CNBD1: variants seen among roughly 807,000 people sequenced by gnomAD.
CNBD1 encodes the protein cyclic nucleotide-binding domain-containing protein 1.
In CNBD1, 71 loss-of-function variants were observed where a neutral mutation model predicts 54.4. The ratio of observed to expected loss-of-function variants is 1.30; its 90% confidence interval spans 1.08 to 1.59. The LOEUF is 1.59. Ranked by LOEUF, CNBD1 falls within the 40% of genes most tolerant of loss-of-function variation. CNBD1 has a pLI of 0.00. For synonymous variants in CNBD1, 182 were observed against 170.7 expected, an observed-to-expected ratio of 1.07 and a Z score of -0.51; for missense variants, 659 against 518.0, an observed-to-expected ratio of 1.27 and a Z score of -2.64.
chr8:87,113,726 T>C (rs1013636103), intron 4 of CNBD1, among the ~76,000 whole-genome samples: 2 of 152,124 alleles, frequency 1.3e-5, no homozygotes, highest in African/African-American at 4.8e-5. Context: ...TAGACCATCC[T>C]GGCTAACACG....
chr8:87,016,802 C>T (rs1335274063), intron 4 of CNBD1, among the ~76,000 whole-genome samples: 1 of 152,116 alleles, frequency 6.6e-6, no homozygotes. Flanking sequence ...CAGATAATGC[C>T]CATTATAAGG....
At chr8:86,965,516 A>G (rs1808049431) in intron 4 of CNBD1, among the ~76,000 whole-genome samples, 1 of 152,122 alleles carries the variant, frequency 6.6e-6, no homozygotes, top group Non-Finnish European at 1.5e-5. Context: ...CATGCTAGTC[A>G]TTTTTAACTG....
intron 6 of CNBD1, among the ~76,000 whole-genome samples, chr8:87,274,005 G>A (rs1340925617): frequency 3.4e-5 from 5 of 146,874 alleles, no homozygotes; most frequent in Non-Finnish European, 5.9e-5. Context: ...CCACCTATGA[G>A]TGAGAATATG....
chr8:87,230,085 G>T (rs1046110592), intron 5 of CNBD1, among the ~76,000 whole-genome samples: 2 of 152,192 alleles, frequency 1.3e-5, no homozygotes, highest in African/African-American at 4.8e-5. Context: ...CAAAATGGGA[G>T]CCAAGACTTT....
chr8:87,079,693 G>A (rs1454224854), intron 4 of CNBD1, among the ~76,000 whole-genome samples: 1 of 151,690 alleles, frequency 6.6e-6, no homozygotes, highest in African/African-American at 2.4e-5. Context: ...TTTTTTTATT[G>A]AGTTAGAAGG....
chr8:87,336,645 T>A (rs1432017105), intron 8 of CNBD1, among the ~76,000 whole-genome samples: 2 of 152,172 alleles, frequency 1.3e-5, no homozygotes, highest in Non-Finnish European at 2.9e-5. Context: ...TAGAACATGC[T>A]CCTTTACCTC....
intron 10 of CNBD1, among the ~76,000 whole-genome samples, chr8:87,359,314 G>A (rs1046237768): frequency 1.3e-5 from 2 of 150,848 alleles, no homozygotes; most frequent in African/African-American, 4.9e-5. Flanking sequence ...TCATTCCATA[G>A]TCTGTTCATT....
chr8:87,015,188 A>AG (rs1373379237), intron 4 of CNBD1, among the ~76,000 whole-genome samples: 2 of 152,062 alleles, frequency 1.3e-5, no homozygotes, highest in African/African-American at 2.4e-5. Context: ...TTTGTGGGGG[A>AG]GGGGGCGAAC....
At position 86,960,373 on chromosome 8, in the gene CNBD1, G is replaced by T. The variant is rs577444158; in HGVS notation, c.431+20619G>T. ...GCTCAGAGGGTCCCACACCCACAGA[G>T]CCTCACTCACTGCTAGCACAGCAGT... On this transcript the variant is annotated intron_variant, in intron 4 of 10. Coordinates refer to ENST00000518476, the MANE Select transcript of CNBD1 (RefSeq NM_173538.3). 8.2e-4 allele frequency among the ~76,000 whole-genome samples: 125 copies of T among 152,308 alleles called. 1 individual carries two copies. Among genetic ancestry groups the T allele is most frequent in the Admixed American group, 1.4e-3 (21 of 15,306 alleles).
chr8:87,237,204 T>G (rs1807602344), intron 6 of CNBD1, 92 bp downstream of exon 6: 1 of 648,116 alleles, frequency 1.5e-6, no homozygotes, highest in Non-Finnish European at 2.6e-6. Context: ...TCCAATATCT[T>G]TAGAGTCCTG....
chr8:87,035,577 C>T (rs1809914617), intron 4 of CNBD1, among the ~76,000 whole-genome samples: 1 of 152,144 alleles, frequency 6.6e-6, no homozygotes, highest in Non-Finnish European at 1.5e-5. Context: ...TTCACAAGGG[C>T]AATTTCTCAG....
intron 2 of CNBD1, among the ~76,000 whole-genome samples, chr8:87,391,647 C>A (rs1189267652): frequency 6.6e-6 from 1 of 152,008 alleles, no homozygotes; most frequent in East Asian, 1.9e-4. Context: ...TAATAGAAGA[C>A]TGAAGTTGGA....
At position 86,878,653 on chromosome 8, in the gene CNBD1, T is replaced by G. The variant is rs543071552; in HGVS notation, c.89-8889T>G. Among the ~76,000 whole-genome samples, 7 of 152,276 alleles carry G rather than the reference T, an allele frequency of 4.6e-5. No individual in the cohort carries two copies. In the South Asian group the frequency reaches 1.5e-3, roughly 32 times the overall value. ...TTCATGAATGTCACTGGTTCAAGGA[T>G]ATCCCCTTAGTCTGTCCATGTCTGA... On this transcript the variant is annotated intron_variant, in intron 1 of 10. Coordinates refer to ENST00000518476, the MANE Select transcript of CNBD1 (RefSeq NM_173538.3).
At chr8:87,275,524 A>C (rs1009708654) in intron 6 of CNBD1, among the ~76,000 whole-genome samples, 17 of 132,254 alleles carry the variant, frequency 1.3e-4, no homozygotes, top group Non-Finnish European at 3.0e-4. Context: ...ATTCAACAAC[A>C]CTTCATGCTA....
At chr8:87,071,770 G>A (rs537373573) in intron 4 of CNBD1, among the ~76,000 whole-genome samples, 2 of 151,626 alleles carry the variant, frequency 1.3e-5, no homozygotes, top group African/African-American at 4.9e-5. Flanking sequence ...GTGGCGATAA[G>A]AAGAATGTAT....
At chr8:87,005,012 T>G (rs946698408) in intron 4 of CNBD1, among the ~76,000 whole-genome samples, 7 of 152,098 alleles carry the variant, frequency 4.6e-5, no homozygotes, top group African/African-American at 1.7e-4. Flanking sequence ...TGCAATAGTT[T>G]GCTGCATGAT....
intron 2 of CNBD1, among the ~76,000 whole-genome samples, chr8:87,394,079 T>C (rs1394090049): frequency 1.3e-5 from 2 of 151,878 alleles, no homozygotes; most frequent in Admixed American, 1.3e-4. Flanking sequence ...TGCTTATTTC[T>C]ATGGACATGA....
intron 10 of CNBD1, among the ~76,000 whole-genome samples, chr8:87,356,784 G>A (rs957424358): frequency 6.6e-6 from 1 of 152,170 alleles, no homozygotes; most frequent in African/African-American, 2.4e-5. Flanking sequence ...GACTAAAAGG[G>A]AGACAAGTGC....
chr8:87,107,601 G>C (rs1386399937), intron 4 of CNBD1, among the ~76,000 whole-genome samples: 2 of 152,178 alleles, frequency 1.3e-5, no homozygotes, highest in African/African-American at 4.8e-5. Flanking sequence ...GTTTCAGAAA[G>C]GTAGAATCAC....
Sources: gnomAD v4.1 joint callset for allele counts (sites outside exome capture counted in the v4.1 genomes callset) on GRCh38, gnomAD v4.1.1 for gene constraint, MANE v1.5 for transcripts, NCBI Gene and HGNC (gene_info 2026-07-23, HGNC 2026-07-21) for gene names.